ATXN2: variants seen among roughly 807,000 people sequenced by gnomAD.
ATXN2 encodes the protein ataxin-2.
In ATXN2, 37 loss-of-function variants were observed where a neutral mutation model predicts 138.6. The observed-to-expected ratio is 0.27, with a 90% CI of 0.21 to 0.35. The LOEUF (loss-of-function observed/expected upper bound fraction) is 0.35, where lower values mean the gene tolerates loss of function less well. ATXN2 is among the 10% of genes least tolerant of loss of function. The pLI, the probability that ATXN2 is intolerant of heterozygous loss-of-function variation, is 1.00. For synonymous variants in ATXN2, 549 were observed against 543.7 expected (o/e 1.01, Z -0.13); for missense variants, 1,216 against 1,480.3 (o/e 0.82, Z 2.93).
intron 21 of ATXN2, chr12:111,457,803 G>C (rs1309846868): frequency 6.3e-6 from 1 of 157,920 alleles, no homozygotes; most frequent in Non-Finnish European, 1.4e-5. Context: ...ATGGGGGTGC[G>C]GGCACTGTGT....
intron 10 of ATXN2, among the ~76,000 whole-genome samples, chr12:111,513,854 C>T (rs1006511689): frequency 1.3e-5 from 2 of 151,902 alleles, no homozygotes; most frequent in Admixed American, 6.6e-5. Flanking sequence ...AGAACTGTAG[C>T]AATCTGTTTC....
intron 1 of ATXN2, among the ~76,000 whole-genome samples, chr12:111,566,480 C>T (rs946682322): frequency 2.6e-5 from 4 of 151,318 alleles, no homozygotes; most frequent in African/African-American, 9.7e-5. Context: ...TTCTGTAAGG[C>T]TACTACTGCC....
At chr12:111,590,159 A>T (rs1254048719) in intron 1 of ATXN2, among the ~76,000 whole-genome samples, 1 of 152,146 alleles carries the variant, frequency 6.6e-6, no homozygotes, top group Admixed American at 6.6e-5. Flanking sequence ...GGTTACAGTG[A>T]GCCGAGATTA....
At chr12:111,542,759 G>A (rs1290862079) in intron 5 of ATXN2, among the ~76,000 whole-genome samples, 1 of 152,136 alleles carries the variant, frequency 6.6e-6, no homozygotes, top group East Asian at 1.9e-4. Flanking sequence ...ACTGCACCTG[G>A]CCTATTTCTA....
chr12:111,599,356 G>A (rs1483946967), upstream of ATXN2: 2 of 1,157,814 alleles, frequency 1.7e-6, no homozygotes, highest in Non-Finnish European at 1.1e-6. Context: ...GGGGAGGGGC[G>A]GCGGAGGGAT....
intron 21 of ATXN2, among the ~76,000 whole-genome samples, chr12:111,464,428 A>G (rs1273692138): frequency 6.7e-6 from 1 of 150,088 alleles, no homozygotes; most frequent in African/African-American, 2.5e-5. Context: ...TCCCAGTCAC[A>G]TTTGCTTGGT....
At chr12:111,588,497 C>T (rs1278549936) in intron 1 of ATXN2, among the ~76,000 whole-genome samples, 1 of 151,820 alleles carries the variant, frequency 6.6e-6, no homozygotes, top group Non-Finnish European at 1.5e-5. Context: ...TGGTGCGTGC[C>T]TGCAGTCCCA....
rs955152872 is a variant in ATXN2 at position 111,486,619 on chromosome 12, T to C, written c.2304+142A>G. On this transcript the variant is annotated intron_variant, in intron 16 of 24. Coordinates refer to ENST00000673436, the MANE Select transcript of ATXN2 (RefSeq NM_001372574.1). Reference sequence around the variant, plus strand: ...TTTTTTAATGTTTAAAAAGTATTCATTAATGGCCATGTAAAAAAAAGAAAG... The same window carrying C: ...TTTTTTAATGTTTAAAAAGTATTCACTAATGGCCATGTAAAAAAAAGAAAG... 2.7e-4 allele frequency: 176 copies of C among 650,172 alleles called. 3 individuals are homozygous for C. Among genetic ancestry groups the C allele is most frequent in the Non-Finnish European group, 4.8e-5 (18 of 374,542 alleles). The allele number at this position is 650,172 out of a possible 1,614,324, so 40.3% of individuals were successfully genotyped here.
In ATXN2 at chr12:111,598,949, G is replaced by GGCTGCTGCTGCTGCTGCTGCT; in HGVS notation, c.65_85dup (p.Gln22_Gln28dup). The stretch of plus-strand genomic sequence containing the variant: ...GCGGACATTGGCAGCCGCGGGCGGC[G>GGCTGCTGCTGCTGCTGCTGCT]GCTGCTGCTGCTGCTGCTGCTGCTG... On this transcript the variant is annotated inframe_insertion, in exon 1 of 25. Transcript: ENST00000673436. This position sits in a 1 kb window ranked among gnomAD's most constrained non-coding sequence, Gnocchi z 4.5. The GGCTGCTGCTGCTGCTGCTGCT allele has an allele frequency of 2.1e-6, 3 of 1,411,776 alleles. No homozygotes were observed. The highest frequency in any genetic ancestry group is 2.5e-4 in the Middle Eastern group (1 of 4,018). 87.5% of individuals were successfully genotyped at this position (1,411,776 alleles called of 1,614,324 possible).
intron 20 of ATXN2, among the ~76,000 whole-genome samples, chr12:111,465,063 C>T (rs1184893298): frequency 6.6e-6 from 1 of 152,022 alleles, no homozygotes; most frequent in African/African-American, 2.4e-5. Flanking sequence ...TCAATAGACA[C>T]ACAATTTTGC....
chr12:111,519,584 T>C (rs1259072981), intron 8 of ATXN2, among the ~76,000 whole-genome samples: 2 of 152,218 alleles, frequency 1.3e-5, no homozygotes, highest in African/African-American at 4.8e-5. Flanking sequence ...GCAAATCATA[T>C]TGTACTGCTG....
At chr12:111,513,576 G>GATGT in intron 10 of ATXN2, 37 bp from the exon 11 acceptor site, 1 of 1,578,166 alleles carries the variant, frequency 6.3e-7, no homozygotes, top group Non-Finnish European at 8.6e-7. Context: ...TAAATTCCAT[G>GATGT]ATATTCATCA....
chr12:111,519,751 A>C, intron 8 of ATXN2, 128 bp downstream of exon 8: 1 of 1,485,700 alleles, frequency 6.7e-7, no homozygotes, highest in Non-Finnish European at 9.0e-7. Context: ...ACAGATCTTA[A>C]ACCAATTCTA....
At chr12:111,562,788 AC>A (rs1882775529) in intron 1 of ATXN2, among the ~76,000 whole-genome samples, 1 of 152,062 alleles carries the variant, frequency 6.6e-6, no homozygotes, top group Non-Finnish European at 1.5e-5. Context: ...CTACTTGGTA[AC>A]ACCATAGTAA....
intron 14 of ATXN2, among the ~76,000 whole-genome samples, chr12:111,497,969 T>C (rs564148225): frequency 2.0e-5 from 3 of 152,216 alleles, no homozygotes; most frequent in East Asian, 1.9e-4. Flanking sequence ...TGAGCCAACA[T>C]TGCGCCACTG....
chr12:111,480,384 C>G (rs1311281944), intron 18 of ATXN2, among the ~76,000 whole-genome samples: 4 of 152,176 alleles, frequency 2.6e-5, no homozygotes, highest in Admixed American at 6.5e-5. Flanking sequence ...AGGCTGGTCT[C>G]AAACTCCTGA....
At position 111,485,850 on chromosome 12, in the gene ATXN2, T is replaced by C; in HGVS notation, c.2320A>G (p.Thr774Ala). 6.2e-7 allele frequency: 1 copy of C among 1,614,058 alleles called. No individual in the cohort carries two copies. The highest frequency in any genetic ancestry group is 8.5e-7 in the Non-Finnish European group (1 of 1,179,972). ...RSFSQPKPST[T>A]PTSPRPQAQP... ...GCTTGAGGCCGAGGTGAAGTTGGGGTAGTAGAAGGCTTTGGCTACAAAAAC... is the reference window on the plus strand; with the variant it reads ...GCTTGAGGCCGAGGTGAAGTTGGGGCAGTAGAAGGCTTTGGCTACAAAAAC... The change falls in exon 17 of 25, where the codon ACC becomes GCC. Residue 774 changes from threonine (T) to alanine (A), a missense_variant. Coordinates refer to ENST00000673436, the MANE Select transcript of ATXN2 (RefSeq NM_001372574.1).
intron 18 of ATXN2, among the ~76,000 whole-genome samples, chr12:111,484,786 A>C (rs1361723721): frequency 1.3e-5 from 2 of 152,054 alleles, no homozygotes; most frequent in Admixed American, 6.6e-5. Context: ...GCTGGAGGGC[A>C]GTGGCATAAT....
intron 1 of ATXN2, among the ~76,000 whole-genome samples, chr12:111,566,958 CATGA>C (rs1167721802): frequency 6.6e-6 from 1 of 152,140 alleles, no homozygotes; most frequent in Non-Finnish European, 1.5e-5. Flanking sequence ...TTCTAATACT[CATGA>C]ATGATTTTGA....
Sources: allele counts gnomAD v4.1 joint callset (sites outside exome capture counted in the v4.1 genomes callset), GRCh38; gene constraint gnomAD v4.1.1; non-coding constraint Gnocchi (gnomAD v3.1); transcripts MANE v1.5; gene names NCBI Gene and HGNC (gene_info 2026-07-23, HGNC 2026-07-21).